The following COL13A1 variants were observed in gnomAD, a reference collection of about 807,000 sequenced individuals.
COL13A1 encodes the protein collagen type XIII alpha 1 chain, also known as collagen alpha-1(XIII) chain.
A neutral mutation model predicts 130.9 loss-of-function variants in COL13A1; 89 were observed. The ratio of observed to expected loss-of-function variants is 0.68; its 90% CI spans 0.57 to 0.81. COL13A1 has a LOEUF of 0.81. Among genes scored for constraint, COL13A1 ranks in the 30% least tolerant of loss-of-function variants. The probability of loss-of-function intolerance (pLI) is 0.00; values close to 1 mark genes in which losing one functional copy is unlikely to be tolerated. For missense variants in COL13A1, 879 were observed against 934.6 expected (o/e 0.94, Z 0.78); for synonymous variants, 402 against 341.6 (o/e 1.18, Z -1.95).
Position 69,930,546 on chromosome 10 carries a change from C to G in COL13A1, c.1677C>G (p.Gly559=). ...KGEKGETGQA[G]SPGEKGEAGE... is the part of the protein sequence containing the mutation. Reference sequence around the variant, plus strand: ...AAAAAGGGGAGACAGGACAAGCAGGCTCACCGGTGAGTGGCAGGGCTGGCT... The same window carrying G: ...AAAAAGGGGAGACAGGACAAGCAGGGTCACCGGTGAGTGGCAGGGCTGGCT... Residue 559 remains glycine, a synonymous_variant, in exon 30 of 41, where the codon GGC becomes GGG. Coordinates refer to ENST00000645393, the MANE Select transcript of COL13A1 (RefSeq NM_001368882.1). 6.2e-7 allele frequency: 1 copy of G among 1,612,874 alleles called. No homozygotes were observed. Among genetic ancestry groups the G allele is most frequent in the African/African-American group, 1.3e-5 (1 of 74,984 alleles).
At chr10:69,834,261 C>T (rs1849496587) in intron 2 of COL13A1, among the ~76,000 whole-genome samples, 1 of 152,196 alleles carries the variant, frequency 6.6e-6, no homozygotes, top group African/African-American at 2.4e-5. Context: ...CGCTGACCTC[C>T]TGCTGTGAGG....
chr10:69,862,267 CT>C (rs1858356841), intron 2 of COL13A1, among the ~76,000 whole-genome samples: 1 of 152,212 alleles, frequency 6.6e-6, no homozygotes, highest in Non-Finnish European at 1.5e-5. Context: ...TTGCACCCTT[CT>C]CAGAGCCTCA....
chr10:69,917,373 C>A lies in COL13A1; in HGVS notation c.966+40C>A, dbSNP rs373613376. ...CCCACATCCCAGGCAGCCCCAAGGC[C>A]CCTCCCCCAGTGCCCATCCCTCTCT... On this transcript the variant is annotated intron_variant, in intron 18 of 40. Coordinates refer to ENST00000645393, the MANE Select transcript of COL13A1 (RefSeq NM_001368882.1). 11 of 1,579,370 alleles carry A rather than the reference C, an allele frequency of 7.0e-6. No individual in the cohort carries two copies. In the African/African-American group the frequency reaches 1.2e-4, roughly 17 times the overall value.
chr10:69,904,505 A>T (rs1294245325), intron 15 of COL13A1, among the ~76,000 whole-genome samples: 1 of 152,174 alleles, frequency 6.6e-6, no homozygotes, highest in Non-Finnish European at 1.5e-5. Context: ...CACCATGGGC[A>T]GAAGGAGACA....
Position 69,894,560 on chromosome 10 carries a change from G to A in COL13A1, c.612G>A (p.Thr204=), listed in dbSNP as rs772397007. The change falls in exon 11 of 41, where the codon ACG becomes ACA. Residue 204 remains threonine (T), a synonymous_variant. Coordinates refer to ENST00000645393, the MANE Select transcript of COL13A1 (RefSeq NM_001368882.1). ...GTGTTTGCTTCCCACAGGGTCTGAC[G>A]GGTCCCCCAGGACAGCCGGTTGGTA... ...HPGPKGDMGL[T]GPPGQPGPQG... 1.1e-5 allele frequency: 17 copies of A among 1,613,802 alleles called. No homozygotes were observed. The East Asian group carries it at 2.0e-4, about 19-fold the overall frequency.
intron 7 of COL13A1, among the ~76,000 whole-genome samples, chr10:69,880,961 A>G (rs1467833971): frequency 1.3e-5 from 2 of 152,186 alleles, no homozygotes; most frequent in Non-Finnish European, 2.9e-5. Context: ...CCAGGCACGC[A>G]CTACTGGTCT....
At chr10:69,900,236 C>A (rs980383813) in intron 14 of COL13A1, among the ~76,000 whole-genome samples, 1 of 152,192 alleles carries the variant, frequency 6.6e-6, no homozygotes. Context: ...ACAGCGACCT[C>A]CCAGCCTTAG....
intron 2 of COL13A1, among the ~76,000 whole-genome samples, chr10:69,830,361 G>A (rs1262182260): frequency 6.6e-5 from 10 of 152,178 alleles, no homozygotes; most frequent in Non-Finnish European, 1.0e-4. Flanking sequence ...GATATGTTGT[G>A]CAGTATTAAA....
At chr10:69,876,432 A>G (rs2763361) in intron 5 of COL13A1, among the ~76,000 whole-genome samples, 105,835 of 152,094 alleles carry the variant, frequency 0.7, 38,234 homozygotes, top group East Asian at 0.99. Context: ...AGAGTTCAGG[A>G]CAAGTGTTCC....
intron 2 of COL13A1, among the ~76,000 whole-genome samples, chr10:69,859,812 G>A (rs940471837): frequency 6.6e-6 from 1 of 152,250 alleles, no homozygotes; most frequent in Admixed American, 6.5e-5. Flanking sequence ...AATTCTGTGC[G>A]AGCTTCCAGA....
Position 69,947,354 on chromosome 10 carries a change from C to A in COL13A1, c.2058+12C>A. 6.2e-7 allele frequency: 1 copy of A among 1,606,968 alleles called. No homozygotes were observed. The highest frequency in any genetic ancestry group is 8.5e-7 in the Non-Finnish European group (1 of 1,175,392). ...ACAAGGGAAACCGGGTGAGTCTGAG[C>A]CCCTGCACTCGTGCTCTAGTTACTA... On this transcript the variant is annotated intron_variant, in intron 38 of 40. Transcript: ENST00000645393.
chr10:69,884,951 A>G (rs1467380405), intron 7 of COL13A1, among the ~76,000 whole-genome samples: 1 of 152,242 alleles, frequency 6.6e-6, no homozygotes, highest in Non-Finnish European at 1.5e-5. Context: ...TCAAGAAATG[A>G]CGCTGGGACA....
rs2071288661 is a variant in COL13A1 at position 69,958,689 on chromosome 10, T to C, written c.2185-10T>C. 6.2e-7 allele frequency: 1 copy of C among 1,613,898 alleles called. No individual in the cohort carries two copies. Among genetic ancestry groups the C allele is most frequent in the South Asian group, 1.1e-5 (1 of 91,080 alleles). On this transcript the variant is annotated splice_polypyrimidine_tract_variant and intron_variant, in intron 40 of 40. Coordinates refer to ENST00000645393, the MANE Select transcript of COL13A1 (RefSeq NM_001368882.1). ...AACTAACAGAACATTGTTTTGTTTT[T>C]GTTTTGCAGTGATGCCTCTAACCTT... is the stretch of plus-strand genomic sequence containing the variant.
At chr10:69,879,239 T>C (rs2059905169) in intron 6 of COL13A1, among the ~76,000 whole-genome samples, 1 of 152,216 alleles carries the variant, frequency 6.6e-6, no homozygotes, top group East Asian at 1.9e-4. Flanking sequence ...TCTGTCCTCA[T>C]ATTGGAACTA....
intron 14 of COL13A1, among the ~76,000 whole-genome samples, chr10:69,902,503 C>T (rs2062295655): frequency 6.6e-6 from 1 of 152,330 alleles, no homozygotes; most frequent in Non-Finnish European, 1.5e-5. Context: ...TCCGCAGCAA[C>T]TCCTCTTTGG....
intron 36 of COL13A1, among the ~76,000 whole-genome samples, chr10:69,945,430 G>A (rs1476894778): frequency 6.6e-6 from 1 of 152,212 alleles, no homozygotes; most frequent in Non-Finnish European, 1.5e-5. Context: ...GACACCACGG[G>A]TCATTCTGGG....
chr10:69,895,721 C>A, intron 13 of COL13A1, 145 bp downstream of exon 13: 1 of 876,832 alleles, frequency 1.1e-6, no homozygotes, highest in South Asian at 1.6e-5. Context: ...ACTCAGCAGT[C>A]AGAGAGGGGA....
rs1198622817 is a variant in COL13A1, at chr10:69,802,672, A to G, written c.249A>G (p.Gln83=). 1.9e-6 allele frequency: 3 copies of G among 1,613,486 alleles called. No homozygotes were observed. Among genetic ancestry groups the G allele is most frequent in the Non-Finnish European group, 2.5e-6 (3 of 1,179,584 alleles). Residue 83 remains glutamine (Q), a synonymous_variant, in exon 1 of 41, where the codon CAA becomes CAG. Coordinates refer to ENST00000645393, the MANE Select transcript of COL13A1 (RefSeq NM_001368882.1). ...TGGAAGCGGAGCGCGGGGAGCAGCAAATGGAGACGGCTATTTTGGGACGAG... is the reference window on the plus strand; with the variant it reads ...TGGAAGCGGAGCGCGGGGAGCAGCAGATGGAGACGGCTATTTTGGGACGAG... ...LRLEAERGEQ[Q]METAILGRVN...
intron 2 of COL13A1, among the ~76,000 whole-genome samples, chr10:69,839,370 A>G (rs1029153183): frequency 1.3e-5 from 2 of 152,238 alleles, no homozygotes; most frequent in African/African-American, 4.8e-5. Context: ...TTATGAAGAA[A>G]ATAAATTAAG....
Sources: allele counts gnomAD v4.1 joint callset (sites outside exome capture counted in the v4.1 genomes callset), GRCh38; gene constraint gnomAD v4.1.1; transcripts MANE v1.5; gene names NCBI Gene and HGNC (gene_info 2026-07-23, HGNC 2026-07-21).